Variants in PDE4D observed in about 807,000 individuals in gnomAD.
PDE4D encodes phosphodiesterase 4D.
PDE4D carries 24 observed loss-of-function variants against 87.4 expected under a neutral mutation model. The observed-to-expected ratio is 0.27, with a 90% CI of 0.20 to 0.39. The LOEUF is 0.39. Among genes scored for constraint, PDE4D ranks in the 10% least tolerant of loss-of-function variants. PDE4D has a pLI of 1.00. For synonymous variants in PDE4D, 384 were observed against 383.2 expected, an observed-to-expected ratio of 1.00 and a Z score of -0.02; for missense variants, 714 against 1,041.0, an observed-to-expected ratio of 0.69 and a Z score of 4.32.
At chr5:58,976,588 G>T in intron 12 of PDE4D, 116 bp from the exon 13 acceptor site, 1 of 829,460 alleles carries the variant, frequency 1.2e-6, no homozygotes, top group Non-Finnish European at 1.9e-6. Context: ...TTTAATGACA[G>T]TGGAAAATCC....
intron 1 of PDE4D, among the ~76,000 whole-genome samples, chr5:59,724,552 GTTTT>G (rs1202426130): frequency 6.6e-6 from 1 of 152,010 alleles, no homozygotes; most frequent in African/African-American, 2.4e-5. Context: ...GAAAATACAT[GTTTT>G]TGTTTATTTA....
At chr5:59,347,653 A>T (rs1470250868) in intron 1 of PDE4D, among the ~76,000 whole-genome samples, 2 of 152,170 alleles carry the variant, frequency 1.3e-5, no homozygotes, top group Non-Finnish European at 2.9e-5. Context: ...AGATAGTGTG[A>T]AACAATGTAA....
At chr5:59,623,440 A>G (rs184041117) in intron 1 of PDE4D, among the ~76,000 whole-genome samples, 2 of 152,336 alleles carry the variant, frequency 1.3e-5, no homozygotes, top group African/African-American at 4.8e-5. Flanking sequence ...TTCACTTTAG[A>G]AAGACAAAGT....
At chr5:60,496,873 T>C (rs1362845680) in intron 1 of PDE4D, among the ~76,000 whole-genome samples, 6 of 152,208 alleles carry the variant, frequency 3.9e-5, no homozygotes, top group African/African-American at 1.4e-4. Flanking sequence ...AGAAATGTGA[T>C]TGTTGTGTTT....
intron 1 of PDE4D, among the ~76,000 whole-genome samples, chr5:59,868,430 TCTG>T (rs931755728): frequency 4.6e-5 from 7 of 152,160 alleles, no homozygotes; most frequent in African/African-American, 1.7e-4. Context: ...TCTGGAGAAC[TCTG>T]CTGAGAAAAT....
chr5:59,646,090 T>G (rs1309113601), intron 1 of PDE4D, among the ~76,000 whole-genome samples: 3 of 152,230 alleles, frequency 2.0e-5, no homozygotes, highest in Non-Finnish European at 4.4e-5. Context: ...TTTATAAATT[T>G]TGTTATCCTT....
At chr5:59,665,489 T>A (rs1404767331) in intron 1 of PDE4D, among the ~76,000 whole-genome samples, 1 of 152,220 alleles carries the variant, frequency 6.6e-6, no homozygotes, top group Non-Finnish European at 1.5e-5. Context: ...AAAAAGACTA[T>A]AACTTCATCA....
rs11348414 is a variant in PDE4D, at chr5:59,227,422, GAA to G, written c.456-11456_456-11455del. Among the ~76,000 whole-genome samples, 12 of 150,406 alleles carry G rather than the reference GAA, an allele frequency of 8.0e-5. No homozygotes were observed. The South Asian group carries it at 2.5e-3, about 32-fold the overall frequency. On this transcript the variant is annotated intron_variant, in intron 1 of 14. Coordinates refer to ENST00000340635, the MANE Select transcript of PDE4D (RefSeq NM_001104631.2). ...ATTAAACTAAAGAGCTTCTGCACAG[GAA>G]AAAAAAACACAACTATTAACAGAGA...
intron 2 of PDE4D, among the ~76,000 whole-genome samples, chr5:60,040,226 A>C (rs1282349384): frequency 1.3e-5 from 2 of 152,230 alleles, no homozygotes; most frequent in Non-Finnish European, 1.5e-5. Flanking sequence ...CTCATCACAC[A>C]GAAAAAGCAA....
chr5:59,966,637 C>G (rs540943640), intron 3 of PDE4D, among the ~76,000 whole-genome samples: 1 of 152,100 alleles, frequency 6.6e-6, no homozygotes, highest in Non-Finnish European at 1.5e-5. Context: ...TCAACTGATG[C>G]CAATTTTATT....
intron 1 of PDE4D, among the ~76,000 whole-genome samples, chr5:59,422,673 T>C (rs1300855264): frequency 6.6e-6 from 1 of 152,236 alleles, no homozygotes; most frequent in Non-Finnish European, 1.5e-5. Context: ...GACTATCATA[T>C]AAAGGTCATC....
chr5:58,976,762 T>G (rs1356921890), intron 12 of PDE4D, among the ~76,000 whole-genome samples: 2 of 152,104 alleles, frequency 1.3e-5, no homozygotes, highest in Non-Finnish European at 2.9e-5. Context: ...AGTTTATAAG[T>G]TTTTGAAAGC....
chr5:59,686,418 T>TG (rs1175329503), intron 1 of PDE4D, among the ~76,000 whole-genome samples: 3 of 152,144 alleles, frequency 2.0e-5, no homozygotes, highest in Admixed American at 2.0e-4. Context: ...GGAGCTGAAG[T>TG]TTTCACAGGC....
At chr5:60,399,401 T>C (rs955296349) in intron 1 of PDE4D, among the ~76,000 whole-genome samples, 3 of 152,236 alleles carry the variant, frequency 2.0e-5, no homozygotes, top group Non-Finnish European at 4.4e-5. Flanking sequence ...TTATGTATTG[T>C]CAGACTGTGG....
chr5:59,028,526 C>T (rs560561521), intron 6 of PDE4D, among the ~76,000 whole-genome samples: 1 of 150,874 alleles, frequency 6.6e-6, no homozygotes, highest in South Asian at 2.1e-4. Flanking sequence ...TTCATTAAAT[C>T]ACCACAGCAA....
intron 1 of PDE4D, among the ~76,000 whole-genome samples, chr5:59,294,860 AAC>A (rs1768747701): frequency 6.6e-6 from 1 of 152,176 alleles, no homozygotes; most frequent in Non-Finnish European, 1.5e-5. Context: ...AATAACTAGG[AAC>A]AGTTTAATAG....
intron 3 of PDE4D, among the ~76,000 whole-genome samples, chr5:59,970,321 C>T (rs1760576717): frequency 6.6e-6 from 1 of 152,002 alleles, no homozygotes; most frequent in African/African-American, 2.4e-5. Flanking sequence ...TCTAAAACAC[C>T]AAAAGCAATG....
chr5:59,265,856 T>C (rs780765886), intron 1 of PDE4D, among the ~76,000 whole-genome samples: 8 of 152,114 alleles, frequency 5.3e-5, no homozygotes, highest in Non-Finnish European at 1.0e-4. Context: ...GCCTGGCACA[T>C]AGTTAAGTAC....
intron 2 of PDE4D, among the ~76,000 whole-genome samples, chr5:60,001,219 T>C (rs1763983210): frequency 6.6e-6 from 1 of 152,106 alleles, no homozygotes; most frequent in East Asian, 1.9e-4. Context: ...TAATAACAGG[T>C]CTGCCATTGG....
Sources: gnomAD v4.1 joint callset for allele counts (sites outside exome capture counted in the v4.1 genomes callset) on GRCh38, gnomAD v4.1.1 for gene constraint, MANE v1.5 for transcripts, NCBI Gene and HGNC (gene_info 2026-07-23, HGNC 2026-07-21) for gene names.